LARP4B: variants seen among roughly 807,000 people sequenced by gnomAD.
LARP4B encodes La ribonucleoprotein 4B, also known as la-related protein 4B.
Under a neutral mutation model 89.8 loss-of-function variants are expected in LARP4B, and 12 were observed. That is an observed-to-expected ratio of 0.13 (90% CI 0.09 to 0.22). The LOEUF is 0.22. LARP4B is among the 10% of genes least tolerant of loss of function. The pLI, the probability that LARP4B is intolerant of heterozygous loss-of-function variation, is 1.00. For missense variants in LARP4B, 757 were observed against 947.7 expected (o/e 0.80, Z 2.64); for synonymous variants, 367 against 363.3 (o/e 1.01, Z -0.12).
Position 880,822 on chromosome 10 carries a change from A to T in LARP4B, c.141+3625T>A, listed in dbSNP as rs533380515. 7.0e-4 allele frequency among the ~76,000 whole-genome samples: 107 copies of T among 152,308 alleles called. 2 individuals carry two copies. The Middle Eastern group carries it at 0.017, about 24-fold the overall frequency. ...TAGAAAAGACTTGCTGTGACTTTGC[A>T]TCTTTCTTCTGAGGAGGTAATTTAA... On this transcript the variant is annotated intron_variant, in intron 3 of 17. Transcript: ENST00000316157.
chr10:870,493 A>G (rs1835147175), intron 3 of LARP4B, among the ~76,000 whole-genome samples: 1 of 152,160 alleles, frequency 6.6e-6, no homozygotes. Context: ...CACCAACCAG[A>G]AAGAAATTGC....
At chr10:980,059 A>G in the LARP4B span, among the ~76,000 whole-genome samples, 1 of 152,220 alleles carries the variant, frequency 6.6e-6, no homozygotes, top group African/African-American at 2.4e-5. Flanking sequence ...AAGGCACTAC[A>G]GGCCCCAGGC....
At chr10:930,492 C>G (rs1348572547) in intron 1 of LARP4B, among the ~76,000 whole-genome samples, 4 of 152,208 alleles carry the variant, frequency 2.6e-5, no homozygotes, top group Non-Finnish European at 4.4e-5. Flanking sequence ...CAAGTTTCAT[C>G]TCAGCCAAGT....
At chr10:867,792 C>T (rs539077198) in intron 3 of LARP4B, among the ~76,000 whole-genome samples, 173 of 134,002 alleles carry the variant, frequency 1.3e-3, no homozygotes, top group Admixed American at 3.0e-3. Context: ...ACTCAGGAGG[C>T]GGAGGTTGCA....
At chr10:962,911 T>G in the LARP4B span, among the ~76,000 whole-genome samples, 1 of 152,008 alleles carries the variant, frequency 6.6e-6, no homozygotes, top group Non-Finnish European at 1.5e-5. Flanking sequence ...GAACTCCAGA[T>G]GAGACCACCT....
chr10:964,905 G>A, the LARP4B span, among the ~76,000 whole-genome samples: 3 of 152,160 alleles, frequency 2.0e-5, no homozygotes, highest in Admixed American at 2.0e-4. Flanking sequence ...CTACTGTGGG[G>A]CCAGGCCCCA....
intron 1 of LARP4B, among the ~76,000 whole-genome samples, chr10:905,530 C>T (rs184142090): frequency 1.8e-4 from 28 of 152,334 alleles, no homozygotes; most frequent in African/African-American, 6.3e-4. Flanking sequence ...TCATTAGTCC[C>T]TCCATGCCCA....
intron 5 of LARP4B, among the ~76,000 whole-genome samples, chr10:849,357 T>G (rs999146644): frequency 6.6e-6 from 1 of 152,098 alleles, no homozygotes; most frequent in African/African-American, 2.4e-5. Flanking sequence ...AACCCTATGT[T>G]GATGGGGCAT....
intron 1 of LARP4B, among the ~76,000 whole-genome samples, chr10:890,511 A>C (rs1392132606): frequency 6.6e-6 from 1 of 152,190 alleles, no homozygotes; most frequent in Non-Finnish European, 1.5e-5. Context: ...CAATTTAAAT[A>C]AATATATTAA....
intron 6 of LARP4B, among the ~76,000 whole-genome samples, chr10:844,248 C>G (rs534734520): frequency 6.6e-6 from 1 of 152,348 alleles, no homozygotes; most frequent in South Asian, 2.1e-4. Context: ...CTAGGGCGTT[C>G]CACTGGTGCC....
chr10:841,753 C>T (rs1833532370), intron 7 of LARP4B, among the ~76,000 whole-genome samples: 1 of 152,198 alleles, frequency 6.6e-6, no homozygotes, highest in Non-Finnish European at 1.5e-5. Context: ...GAGCACGGCG[C>T]CATCCTGGGA....
chr10:931,203 C>A (rs1359723963), intron 1 of LARP4B, among the ~76,000 whole-genome samples: 1 of 149,594 alleles, frequency 6.7e-6, no homozygotes, highest in African/African-American at 2.4e-5. Flanking sequence ...TTTTTCCTGG[C>A]CCTGACCCCG....
At chr10:910,187 C>T (rs1836629532) in intron 1 of LARP4B, among the ~76,000 whole-genome samples, 1 of 152,086 alleles carries the variant, frequency 6.6e-6, no homozygotes. Flanking sequence ...TTTTGATGTA[C>T]ATTTTTTGTA....
At chr10:908,032 C>A (rs1157303457) in intron 1 of LARP4B, among the ~76,000 whole-genome samples, 1 of 152,170 alleles carries the variant, frequency 6.6e-6, no homozygotes, top group African/African-American at 2.4e-5. Flanking sequence ...ATGGTGAAAC[C>A]CCATCTCTAC....
In LARP4B at chr10:919,499, GA is replaced by G. The variant is rs572902368; in HGVS notation, c.-40+11928del. On this transcript the variant is annotated intron_variant, in intron 1 of 17. Transcript: ENST00000316157. ...AAGTGTTCTGAAGAATAAATGGGGG[GA>G]AAAAAGGGAGGGGGCTTTCAATCCT... Among the ~76,000 whole-genome samples the G allele has an allele frequency of 5.9e-4, 89 of 151,712 alleles. 2 individuals carry two copies. The East Asian group carries it at 0.016, about 28-fold the overall frequency.
rs906625376 is a variant in LARP4B at position 811,880 on chromosome 10, G to C, written c.*1046C>G. 80 of 152,432 alleles carry C rather than the reference G, an allele frequency of 5.2e-4. No homozygotes were observed. Among genetic ancestry groups the C allele is most frequent in the African/African-American group, 1.8e-3 (76 of 41,548 alleles). 9.4% of individuals were successfully genotyped at this position (152,432 alleles called of 1,614,324 possible). ...GTTCTTCAGAAGTGCAGCACTTCTG[G>C]AAGTGAATCAATGAGGCCCTCGTCT... is the stretch of plus-strand genomic sequence containing the variant. On this transcript the variant is annotated 3_prime_UTR_variant, in exon 18 of 18. Transcript: ENST00000316157.
intron 3 of LARP4B, among the ~76,000 whole-genome samples, chr10:874,090 T>C (rs1835355500): frequency 6.6e-6 from 1 of 152,022 alleles, no homozygotes; most frequent in Non-Finnish European, 1.5e-5. Context: ...AAAAATTAGC[T>C]GAGCATGGGA....
chr10:833,324 G>A (rs543528701), intron 8 of LARP4B, among the ~76,000 whole-genome samples: 18 of 137,492 alleles, frequency 1.3e-4, no homozygotes, highest in African/African-American at 4.3e-4. Context: ...TTTGTGTTGA[G>A]CTGCATACAA....
chr10:978,899 C>T, the LARP4B span, among the ~76,000 whole-genome samples: 8 of 152,120 alleles, frequency 5.3e-5, no homozygotes, highest in African/African-American at 9.7e-5. Flanking sequence ...CTCTGGGCAT[C>T]GAATTCTAGT....
Sources: allele counts gnomAD v4.1 joint callset (sites outside exome capture counted in the v4.1 genomes callset), GRCh38; gene constraint gnomAD v4.1.1; transcripts MANE v1.5; gene names NCBI Gene and HGNC (gene_info 2026-07-23, HGNC 2026-07-21).